PEX5L: variants seen among roughly 807,000 people sequenced by gnomAD.
PEX5L encodes PEX5-related protein.
PEX5L carries 30 observed loss-of-function variants against 84.0 expected under a neutral mutation model. That is an observed-to-expected ratio of 0.36 (90% confidence interval 0.27 to 0.48). PEX5L has a LOEUF of 0.48. PEX5L is among the 20% of genes least tolerant of loss of function. The pLI is 0.99. For synonymous variants in PEX5L, 270 were observed against 283.1 expected, an observed-to-expected ratio of 0.95 and a Z score of 0.46; for missense variants, 533 against 754.6, an observed-to-expected ratio of 0.71 and a Z score of 3.44.
chr3:179,910,951 C>T (rs1764954551), intron 2 of PEX5L, among the ~76,000 whole-genome samples: 1 of 152,086 alleles, frequency 6.6e-6, no homozygotes, highest in Non-Finnish European at 1.5e-5. Flanking sequence ...TTGGAGCTAC[C>T]ATTTAAGCAC....
chr3:179,819,730 G>A (rs2108940182), intron 9 of PEX5L, 130 bp downstream of exon 9: 3 of 817,016 alleles, frequency 3.7e-6, no homozygotes, highest in African/African-American at 3.4e-5. Flanking sequence ...ATTTCTTCTA[G>A]GTCAGATTGA....
chr3:179,975,796 A>G (rs13068277), intron 1 of PEX5L, among the ~76,000 whole-genome samples: 59,212 of 151,614 alleles, frequency 0.39, 12,215 homozygotes, highest in East Asian at 0.74. Flanking sequence ...CTGTCCTAAA[A>G]GGTGATTTCC....
intron 14 of PEX5L, among the ~76,000 whole-genome samples, chr3:179,803,359 G>A (rs1422351829): frequency 6.6e-6 from 1 of 151,960 alleles, no homozygotes; most frequent in African/African-American, 2.4e-5. Context: ...TTTCCAATAC[G>A]GTAAATATTG....
chr3:180,011,203 T>C (rs1789450395), intron 1 of PEX5L, among the ~76,000 whole-genome samples: 1 of 152,224 alleles, frequency 6.6e-6, no homozygotes. Flanking sequence ...AGTGTATTAT[T>C]GAAATCCAAA....
At chr3:179,999,376 T>C (rs1788185011) in intron 1 of PEX5L, among the ~76,000 whole-genome samples, 1 of 152,070 alleles carries the variant, frequency 6.6e-6, no homozygotes, top group Non-Finnish European at 1.5e-5. Flanking sequence ...CATCGCCCAA[T>C]GGTCCCATGA....
intron 1 of PEX5L, among the ~76,000 whole-genome samples, chr3:179,972,655 C>T (rs1332776000): frequency 6.6e-6 from 1 of 152,156 alleles, no homozygotes; most frequent in Non-Finnish European, 1.5e-5. Context: ...TCTACTGTGT[C>T]ATATTAGGGT....
intron 2 of PEX5L, among the ~76,000 whole-genome samples, chr3:179,968,123 T>A (rs1488690953): frequency 1.3e-5 from 2 of 152,132 alleles, no homozygotes; most frequent in Non-Finnish European, 2.9e-5. Flanking sequence ...TGTAACTGTA[T>A]CCATCATATA....
chr3:179,915,522 T>G (rs971466256), intron 2 of PEX5L, among the ~76,000 whole-genome samples: 1 of 152,202 alleles, frequency 6.6e-6, no homozygotes, highest in Non-Finnish European at 1.5e-5. Flanking sequence ...GTCACTCAAT[T>G]TTGAAGATTA....
At chr3:179,872,956 C>T (rs1216031272) in intron 7 of PEX5L, among the ~76,000 whole-genome samples, 1 of 152,142 alleles carries the variant, frequency 6.6e-6, no homozygotes, top group African/African-American at 2.4e-5. Context: ...TTGAGGTTTG[C>T]AGGGCTATTT....
chr3:179,971,403 G>A (rs1313518432), intron 2 of PEX5L, among the ~76,000 whole-genome samples, 191 bp downstream of exon 2: 1 of 152,052 alleles, frequency 6.6e-6, no homozygotes, highest in African/African-American at 2.4e-5. Flanking sequence ...AAATATGCAT[G>A]TTGGCATCAT....
chr3:180,021,082 C>T (rs186024428), intron 1 of PEX5L, among the ~76,000 whole-genome samples: 1 of 152,202 alleles, frequency 6.6e-6, no homozygotes, highest in African/African-American at 2.4e-5. Flanking sequence ...AGGAAGGCAT[C>T]TAACCCAGCC....
At chr3:179,884,465 C>G (rs1755137421) in intron 4 of PEX5L, among the ~76,000 whole-genome samples, 2 of 152,260 alleles carry the variant, frequency 1.3e-5, no homozygotes, top group South Asian at 4.2e-4. Context: ...CTGGAAAAAG[C>G]AAGGAAGTGA....
intron 2 of PEX5L, among the ~76,000 whole-genome samples, chr3:179,954,205 G>GC (rs1491441570): frequency 2.7e-5 from 1 of 36,404 alleles, no homozygotes; most frequent in South Asian, 1.2e-3. Flanking sequence ...ACCATTAGTC[G>GC]GGGGGGGGGG....
chr3:179,995,100 TAC>T (rs1420230888), intron 1 of PEX5L, among the ~76,000 whole-genome samples: 2 of 147,838 alleles, frequency 1.4e-5, no homozygotes, highest in African/African-American at 2.5e-5. Context: ...AGTATATATA[TAC>T]ACACACTATA....
Position 179,799,264 on chromosome 3 carries a change from T to C in PEX5L, c.*2564A>G, listed in dbSNP as rs981289770. The C allele has an allele frequency of 6.6e-6, 1 of 152,198 alleles. No individual in the cohort carries two copies. The highest frequency in any genetic ancestry group is 1.5e-5 in the Non-Finnish European group (1 of 68,034). 9.4% of individuals were successfully genotyped at this position (152,198 alleles called of 1,614,324 possible). Reference sequence around the variant, plus strand: ...GGTTTTAACTTAATTTTATAAAAAATATTATTGAAAAATGCAACTCTTTTC... The same window carrying C: ...GGTTTTAACTTAATTTTATAAAAAACATTATTGAAAAATGCAACTCTTTTC... On this transcript the variant is annotated 3_prime_UTR_variant, in exon 15 of 15. Coordinates refer to ENST00000467460, the MANE Select transcript of PEX5L (RefSeq NM_016559.3).
intron 2 of PEX5L, among the ~76,000 whole-genome samples, chr3:179,943,670 G>A (rs1011753467): frequency 2.0e-5 from 3 of 152,216 alleles, no homozygotes; most frequent in African/African-American, 7.2e-5. Flanking sequence ...AGACAGCAGA[G>A]GCGGTGAGCA....
chr3:179,899,414 A>G (rs1760516242), intron 2 of PEX5L, among the ~76,000 whole-genome samples: 2 of 152,172 alleles, frequency 1.3e-5, no homozygotes, highest in South Asian at 2.1e-4. Context: ...TCACAGGCAG[A>G]GAAACGAAAA....
chr3:179,915,273 A>G (rs1391865510), intron 2 of PEX5L, among the ~76,000 whole-genome samples: 2 of 152,204 alleles, frequency 1.3e-5, no homozygotes, highest in Non-Finnish European at 2.9e-5. Context: ...ATCCATAGAA[A>G]TCTTGTGAGG....
intron 1 of PEX5L, among the ~76,000 whole-genome samples, chr3:179,998,974 C>T (rs544412468): frequency 6.6e-6 from 1 of 152,322 alleles, no homozygotes; most frequent in Non-Finnish European, 1.5e-5. Flanking sequence ...TGCAGCACTA[C>T]AGCCTCTTTT....
Sources: gnomAD v4.1 joint callset for allele counts (sites outside exome capture counted in the v4.1 genomes callset) on GRCh38, gnomAD v4.1.1 for gene constraint, MANE v1.5 for transcripts, NCBI Gene and HGNC (gene_info 2026-07-23, HGNC 2026-07-21) for gene names.